The following CAT variants were observed in gnomAD, a reference collection of about 807,000 sequenced individuals.
The protein encoded by CAT is epididymis secretory sperm binding protein.
A neutral mutation model predicts 59.0 loss-of-function variants in CAT; 43 were observed. The ratio of observed to expected loss-of-function variants is 0.73; its 90% CI spans 0.57 to 0.94. The LOEUF (loss-of-function observed/expected upper bound fraction) is 0.94, where lower values mean the gene tolerates loss of function less well. CAT is among the 40% of genes least tolerant of loss of function. The pLI is 0.00. For missense variants in CAT, 664 were observed against 682.9 expected (o/e 0.97, Z 0.31); for synonymous variants, 218 against 230.9 (o/e 0.94, Z 0.51).
rs1327823283 is a variant in CAT at position 34,456,784 on chromosome 11, T to C, written c.1023T>C (p.Pro341=). Residue 341 remains proline, a synonymous_variant, in exon 8 of 13, where the codon CCT becomes CCC. Coordinates refer to ENST00000241052, the MANE Select transcript of CAT (RefSeq NM_001752.4). ...CCTTCGACCCAAGCAACATGCCACC[T>C]GGCATTGAGGCCAGTCCTGACAAAA... ...QIAFDPSNMP[P]GIEASPDKML... is the part of the protein sequence containing the mutation. The C allele has an allele frequency of 6.2e-7, 1 of 1,614,266 alleles. No individual in the cohort carries two copies. The highest frequency in any genetic ancestry group is 8.5e-7 in the Non-Finnish European group (1 of 1,180,040).
intron 8 of CAT, chr11:34,460,966 A>G: frequency 2.2e-6 from 1 of 462,694 alleles, no homozygotes; most frequent in Non-Finnish European, 4.0e-6. Context: ...ATAAGACAAG[A>G]CACTAACTTG....
At chr11:34,453,241 G>A in intron 5 of CAT, 47 bp downstream of exon 5, 1 of 1,052,658 alleles carries the variant, frequency 9.5e-7, no homozygotes, top group Non-Finnish European at 1.5e-6. Context: ...GGGATGCAGT[G>A]TTTAATTATG....
intron 1 of CAT, among the ~76,000 whole-genome samples, chr11:34,445,273 TG>T (rs1856436313): frequency 6.6e-6 from 1 of 151,840 alleles, no homozygotes; most frequent in South Asian, 2.1e-4. Context: ...GCGGATTTCT[TG>T]AGGTCAGGAG....
In CAT at chr11:34,458,117, C is replaced by T. The variant is rs117659884; in HGVS notation, c.1056+1300C>T. 6.6e-5 allele frequency among the ~76,000 whole-genome samples: 10 copies of T among 152,244 alleles called. No homozygotes were observed. In the East Asian group the frequency reaches 1.7e-3, roughly 26 times the overall value. On this transcript the variant is annotated intron_variant, in intron 8 of 12. Transcript: ENST00000241052. ...ATTTTGTCTGATAGGAGGTCAGCCA[C>T]GAAGTTTCATGAACGAGGTAGCATT...
At chr11:34,448,972 G>A (rs983701281) in intron 1 of CAT, among the ~76,000 whole-genome samples, 3 of 152,180 alleles carry the variant, frequency 2.0e-5, no homozygotes, top group Non-Finnish European at 2.9e-5. Context: ...TTCAGAGCAA[G>A]TTTCTTAGCA....
chr11:34,448,463 C>T (rs976335492), intron 1 of CAT, among the ~76,000 whole-genome samples: 8 of 152,184 alleles, frequency 5.3e-5, no homozygotes, highest in Non-Finnish European at 1.0e-4. Flanking sequence ...AAGAATGCCG[C>T]TCTAACCCTA....
intron 6 of CAT, 148 bp downstream of exon 6, chr11:34,454,074 T>C: frequency 1.3e-6 from 1 of 792,516 alleles, no homozygotes; most frequent in South Asian, 1.7e-5. Context: ...CATTGATCAG[T>C]ACTGATTTTG....
At chr11:34,457,028 A>G in intron 8 of CAT, 2 of 583,630 alleles carry the variant, frequency 3.4e-6, no homozygotes, top group Non-Finnish European at 6.1e-6. Context: ...ACAAAAGTCC[A>G]TGGTAAGATC....
At chr11:34,452,853 T>TAAA (rs532166250) in intron 4 of CAT, among the ~76,000 whole-genome samples, 1 of 137,284 alleles carries the variant, frequency 7.3e-6, no homozygotes, top group South Asian at 2.3e-4. Flanking sequence ...GACCCTGTCT[T>TAAA]AAAAAAAAAA....
intron 9 of CAT, among the ~76,000 whole-genome samples, chr11:34,463,233 T>A (rs1856671591): frequency 6.6e-6 from 1 of 152,102 alleles, no homozygotes; most frequent in Admixed American, 6.5e-5. Flanking sequence ...AGAAAATAAA[T>A]ATGCTAAAAC....
Position 34,464,232 on chromosome 11 carries a change from T to C in CAT, c.1323T>C (p.Thr441=), listed in dbSNP as rs775035646. 5.0e-6 allele frequency: 8 copies of C among 1,613,942 alleles called. No homozygotes were observed. The African/African-American group carries it at 1.1e-4, about 22-fold the overall frequency. The change falls in exon 10 of 13, where the codon ACT becomes ACC. Residue 441 remains threonine, a synonymous_variant. Transcript: ENST00000241052. ...RFNTANDDNV[T]QVRAFYVNVL... ...ACACTGCCAATGATGATAACGTTAC[T>C]CAGGTAATGACTTCTCTTTATCTGC...
chr11:34,456,886 C>A, intron 8 of CAT, 69 bp downstream of exon 8: 1 of 1,493,332 alleles, frequency 6.7e-7, no homozygotes, highest in Non-Finnish European at 9.3e-7. Context: ...AAATATGCAG[C>A]TTGGCATGAT....
At chr11:34,464,875 C>G (rs1036430103) in intron 10 of CAT, among the ~76,000 whole-genome samples, 2 of 151,672 alleles carry the variant, frequency 1.3e-5, no homozygotes, top group Admixed American at 1.3e-4. Context: ...TACTCCTTCT[C>G]TCAACATGTC....
intron 10 of CAT, among the ~76,000 whole-genome samples, chr11:34,466,470 G>A (rs888699482): frequency 6.6e-6 from 1 of 152,116 alleles, no homozygotes; most frequent in Non-Finnish European, 1.5e-5. Context: ...TAAAATGACT[G>A]ATTAATAGGT....
At chr11:34,455,853 TA>T (rs1215971581) in intron 6 of CAT, among the ~76,000 whole-genome samples, 157 bp from the exon 7 acceptor site, 1 of 152,244 alleles carries the variant, frequency 6.6e-6, no homozygotes, top group East Asian at 1.9e-4. Flanking sequence ...TTCTTGTTGA[TA>T]AATTCATTAG....
At chr11:34,449,447 T>G in intron 2 of CAT, 84 bp downstream of exon 2, 1 of 1,177,788 alleles carries the variant, frequency 8.5e-7, no homozygotes, top group Non-Finnish European at 1.3e-6. Flanking sequence ...TGGAAGACCT[T>G]TAACACAAGT....
At chr11:34,470,797 A>G in intron 11 of CAT, 161 bp from the exon 12 acceptor site, 1 of 741,870 alleles carries the variant, frequency 1.3e-6, no homozygotes, top group Non-Finnish European at 2.5e-6. Context: ...CTGGACCTGC[A>G]TCTTAACTCT....
At chr11:34,464,318 G>A in intron 10 of CAT, 83 bp downstream of exon 10, 1 of 1,314,960 alleles carries the variant, frequency 7.6e-7, no homozygotes, top group South Asian at 1.2e-5. Flanking sequence ...CCCTGCAAAT[G>A]CCCCAACTGT....
At chr11:34,452,047 A>G (rs776383747) in intron 3 of CAT, 30 bp from the exon 4 acceptor site, 2 of 1,613,616 alleles carry the variant, frequency 1.2e-6, no homozygotes, top group South Asian at 2.2e-5. Flanking sequence ...GCTGTGGCTT[A>G]TGCTTCCTGT....
Sources: gnomAD v4.1 joint callset for allele counts (sites outside exome capture counted in the v4.1 genomes callset) on GRCh38, gnomAD v4.1.1 for gene constraint, MANE v1.5 for transcripts, NCBI Gene and HGNC (gene_info 2026-07-23, HGNC 2026-07-21) for gene names.